AQR: variants seen among roughly 807,000 people sequenced by gnomAD.
AQR encodes RNA helicase aquarius.
In AQR, 61 loss-of-function variants were observed where a neutral mutation model predicts 180.5. The ratio of observed to expected loss-of-function variants is 0.34; its 90% CI spans 0.28 to 0.42. The LOEUF (loss-of-function observed/expected upper bound fraction) is 0.42. Among genes scored for constraint, AQR ranks in the 10% least tolerant of loss-of-function variants. The probability of loss-of-function intolerance (pLI) is 1.00; values close to 1 mark genes in which losing one functional copy is unlikely to be tolerated. For missense variants in AQR, 1,281 were observed against 1,798.3 expected (o/e 0.71, Z 5.20); for synonymous variants, 551 against 588.8 (o/e 0.94, Z 0.93).
chr15:34,881,390 G>A lies in AQR; in HGVS notation c.3165+1112C>T, dbSNP rs78908689. On this transcript the variant is annotated intron_variant, in intron 27 of 34. Coordinates refer to ENST00000156471, the MANE Select transcript of AQR (RefSeq NM_014691.3). ...AGTGAGCTCACAACATTTTAAAATTGTCAGTTACTTTAATCAACAAGTGAA... is the reference window on the plus strand; with the variant it reads ...AGTGAGCTCACAACATTTTAAAATTATCAGTTACTTTAATCAACAAGTGAA... Among the ~76,000 whole-genome samples, 399 of 152,136 alleles carry A rather than the reference G, an allele frequency of 2.6e-3. 5 individuals are homozygous for A. The highest frequency in any genetic ancestry group is 9.4e-3 in the African/African-American group (391 of 41,500).
In AQR at chr15:34,856,442, T is replaced by G; in HGVS notation, c.*350A>C. ...TTGGACACTCAAGGGTATTCGTGGT[T>G]AAGTCCAGTATATTCTGTCCTCTTC... On this transcript the variant is annotated 3_prime_UTR_variant, in exon 35 of 35. Coordinates refer to ENST00000156471, the MANE Select transcript of AQR (RefSeq NM_014691.3). 2.5e-6 allele frequency: 1 copy of G among 398,706 alleles called. No homozygotes were observed. 24.7% of individuals were successfully genotyped at this position (398,706 alleles called of 1,614,324 possible).
At position 34,862,989 on chromosome 15, in the gene AQR, T is replaced by C. The variant is rs1892692698; in HGVS notation, c.3907A>G (p.Ile1303Val). ...AMSRARLGLY[I>V]FARVSLFQNC... ...TGGAAGAGGGATACTCTGGCGAAGA[T>C]ATAAAGTCCAAGTCTGGCTCTAGAC... Residue 1303 changes from isoleucine to valine, a missense_variant, in exon 33 of 35, where the codon ATC (isoleucine) becomes GTC (valine). Around this residue, in one of 9 missense-constraint regions of AQR, gnomAD observed 197 missense variants for 320.7 expected, o/e 0.61. Transcript: ENST00000156471. 3.1e-6 allele frequency: 5 copies of C among 1,613,696 alleles called. No individual in the cohort carries two copies. The highest frequency in any genetic ancestry group is 4.2e-6 in the Non-Finnish European group (5 of 1,179,856).
chr15:34,861,451 C>T (rs1030653683), intron 33 of AQR, among the ~76,000 whole-genome samples: 2 of 152,218 alleles, frequency 1.3e-5, no homozygotes, highest in African/African-American at 4.8e-5. Flanking sequence ...GTTCTCAGCC[C>T]TAACCTCCCC....
chr15:34,869,529 CCCAACCTTGGAACCA>C (rs1892785052), intron 31 of AQR: 1 of 152,102 alleles, frequency 6.6e-6, no homozygotes, highest in African/African-American at 2.4e-5. Flanking sequence ...TACCCTGTAA[CCCAACCTTGGAACCA>C]CCCTATTTCC....
At chr15:34,903,725 A>G (rs1159802921) in intron 19 of AQR, among the ~76,000 whole-genome samples, 1 of 152,166 alleles carries the variant, frequency 6.6e-6, no homozygotes, top group African/African-American at 2.4e-5. Flanking sequence ...TGCAAAAGCT[A>G]CATGTATCAA....
chr15:34,927,224 A>AT, intron 12 of AQR, 86 bp from the exon 13 acceptor site: 2 of 755,900 alleles, frequency 2.6e-6, no homozygotes, highest in Non-Finnish European at 3.8e-6. Context: ...AATATTTTAT[A>AT]AAAATATTAA....
At chr15:34,951,934 T>C (rs566402633) in intron 4 of AQR, among the ~76,000 whole-genome samples, 1 of 152,152 alleles carries the variant, frequency 6.6e-6, no homozygotes, top group Non-Finnish European at 1.5e-5. Flanking sequence ...CTTACTGGTG[T>C]TGTTGTCAGG....
At chr15:34,901,282 T>C (rs1893327939) in intron 19 of AQR, among the ~76,000 whole-genome samples, 1 of 152,182 alleles carries the variant, frequency 6.6e-6, no homozygotes, top group Admixed American at 6.5e-5. Context: ...AGTTCTTTAA[T>C]GCTAAAGTCA....
intron 30 of AQR, among the ~76,000 whole-genome samples, chr15:34,873,486 T>A (rs1892851082): frequency 8.0e-6 from 1 of 125,712 alleles, no homozygotes; most frequent in African/African-American, 3.0e-5. Context: ...AGAATTCAAC[T>A]TGTTTGTTAA....
In AQR at chr15:34,874,834, G is replaced by A; in HGVS notation, c.3268C>T (p.Arg1090Ter). 7 of 1,613,658 alleles carry A rather than the reference G, an allele frequency of 4.3e-6. No individual in the cohort carries two copies. The highest frequency in any genetic ancestry group is 5.9e-6 in the Non-Finnish European group (7 of 1,179,762). Reference sequence around the variant, plus strand: ...TGATGATCGCCAATCATAATCCATCGTTTTAGTCGGCTAAATCCATCCTGA... The same window carrying A: ...TGATGATCGCCAATCATAATCCATCATTTTAGTCGGCTAAATCCATCCTGA... The part of the protein sequence containing the change: ...NPQDGFSRLK[R>*]WIMIGDHHQL... Residue 1090 changes from arginine to a stop codon, truncating the protein, a stop_gained, in exon 29 of 35, where the codon CGA (arginine) becomes TGA (stop). Coordinates refer to ENST00000156471, the MANE Select transcript of AQR (RefSeq NM_014691.3). LOFTEE classifies it high-confidence loss of function.
chr15:34,878,944 C>A (rs1892927964), intron 27 of AQR, among the ~76,000 whole-genome samples: 4 of 151,890 alleles, frequency 2.6e-5, no homozygotes, highest in African/African-American at 9.7e-5. Context: ...AGGAGAATCA[C>A]TTGAACCCAG....
chr15:34,940,514 G>A (rs1368735253), intron 8 of AQR, among the ~76,000 whole-genome samples: 1 of 152,086 alleles, frequency 6.6e-6, no homozygotes, highest in Non-Finnish European at 1.5e-5. Flanking sequence ...TGGGCAACAA[G>A]AGCGAAACTC....
chr15:34,943,155 T>C (rs1401531422), intron 6 of AQR: 1 of 1,611,166 alleles, frequency 6.2e-7, no homozygotes, highest in Non-Finnish European at 8.5e-7. Context: ...AGTGACACAG[T>C]ACAAGAAGGG....
chr15:34,894,479 T>C (rs1050660510), intron 22 of AQR, among the ~76,000 whole-genome samples: 3 of 152,112 alleles, frequency 2.0e-5, no homozygotes, highest in African/African-American at 4.8e-5. Flanking sequence ...CTAGTAGACA[T>C]GTTATAAAAA....
chr15:34,897,655 T>C lies in AQR; in HGVS notation c.2294A>G (p.Asp765Gly). ...TTCCTCGGTGTCTTCATCTTCCACA[T>C]CCGCATCTTTCCTTTTCTTCCCTTT... is the stretch of plus-strand genomic sequence containing the variant. ...SGKGKKRKDA[D>G]VEDEDTEEAK... Residue 765 changes from aspartate to glycine, a missense_variant, in exon 21 of 35, where the codon GAT becomes GGT. Physicochemically the swap from Asp to Gly is moderately conservative, Grantham distance 94. This residue lies in a region of AQR where 112 missense variants were observed against 128.6 expected (regional missense o/e 0.87). Transcript: ENST00000156471. 1 of 1,614,110 alleles carries C rather than the reference T, an allele frequency of 6.2e-7. No individual in the cohort carries two copies. The highest frequency in any genetic ancestry group is 1.7e-5 in the Admixed American group (1 of 60,022).
chr15:34,927,852 A>G lies in AQR; in HGVS notation c.1015-714T>C, dbSNP rs144640675. 3.4e-3 allele frequency among the ~76,000 whole-genome samples: 518 copies of G among 152,334 alleles called. 3 individuals are homozygous for G. Among genetic ancestry groups the G allele is most frequent in the Admixed American group, 8.0e-3 (123 of 15,296 alleles). On this transcript the variant is annotated intron_variant, in intron 12 of 34. Coordinates refer to ENST00000156471, the MANE Select transcript of AQR (RefSeq NM_014691.3). ...ATGGGATTATGAGATTACTACACACAATGGCAAAATGACTCTGCAACCCAA... is the reference window on the plus strand; with the variant it reads ...ATGGGATTATGAGATTACTACACACGATGGCAAAATGACTCTGCAACCCAA...
At chr15:34,948,032 A>C (rs1326118223) in intron 5 of AQR, 1 of 410,624 alleles carries the variant, frequency 2.4e-6, no homozygotes, top group Non-Finnish European at 4.3e-6. Flanking sequence ...AAAGCAGAAA[A>C]ATAACTCACA....
intron 22 of AQR, among the ~76,000 whole-genome samples, chr15:34,896,534 A>C (rs1893246611): frequency 1.4e-5 from 2 of 146,332 alleles, no homozygotes; most frequent in Admixed American, 6.7e-5. Flanking sequence ...TTCTAGTCTT[A>C]ATCTATGTTA....
intron 26 of AQR, among the ~76,000 whole-genome samples, chr15:34,883,770 AATG>A (rs1414177263): frequency 6.6e-5 from 10 of 152,214 alleles, no homozygotes; most frequent in African/African-American, 2.2e-4. Context: ...CTATTTTTGC[AATG>A]ATGATTCTGC....
Sources: gnomAD v4.1 joint callset for allele counts (sites outside exome capture counted in the v4.1 genomes callset) on GRCh38, gnomAD v4.1.1 for gene constraint, gnomAD v4.1.1 regional missense constraint, MANE v1.5 for transcripts, NCBI Gene and HGNC (gene_info 2026-07-23, HGNC 2026-07-21) for gene names.